The following TSC2 variants were observed in gnomAD, a reference collection of about 807,000 sequenced individuals.
TSC2 encodes the protein TSC complex subunit 2, also known as tuberin.
TSC2 carries 29 observed loss-of-function variants against 202.2 expected under a neutral mutation model. The ratio of observed to expected loss-of-function variants is 0.14; its 90% CI spans 0.11 to 0.20. The LOEUF (loss-of-function observed/expected upper bound fraction) is 0.20. TSC2 is among the 10% of genes least tolerant of loss of function. The probability of loss-of-function intolerance (pLI) is 1.00; values close to 1 mark genes in which losing one functional copy is unlikely to be tolerated. For missense variants in TSC2, 2,429 were observed against 2,420.0 expected (o/e 1.00, Z -0.08); for synonymous variants, 1,349 against 1,044.0 (o/e 1.29, Z -5.63).
intron 37 of TSC2, 90 bp downstream of exon 37, chr16:2,086,469 C>G (rs1027670870): frequency 6.6e-7 from 1 of 1,515,550 alleles, no homozygotes; most frequent in African/African-American, 1.4e-5. Flanking sequence ...TGGGGCATGG[C>G]CCTGGCACCC....
intron 40 of TSC2, 40 bp from the exon 41 acceptor site, chr16:2,088,187 G>A (rs763934520): frequency 1.9e-6 from 3 of 1,612,840 alleles, no homozygotes. Flanking sequence ...AGGCCCAGGT[G>A]CCACCTGATA....
intron 36 of TSC2, 108 bp from the exon 37 acceptor site, chr16:2,086,085 A>G: frequency 7.6e-7 from 1 of 1,314,032 alleles, no homozygotes; most frequent in Non-Finnish European, 1.1e-6. Flanking sequence ...TGTCTGCCTC[A>G]GGGATCAGAG....
In TSC2 at chr16:2,084,973, C is replaced by T. The variant is rs1173459869; in HGVS notation, c.4516C>T (p.His1506Tyr). 15 of 1,613,330 alleles carry T rather than the reference C, an allele frequency of 9.3e-6. No individual in the cohort carries two copies. The highest frequency in any genetic ancestry group is 2.2e-5 in the East Asian group (1 of 44,886). ...NPSFVFLQLYHSPFFGDESNK... is the reference protein window; with the variant it reads ...NPSFVFLQLYYSPFFGDESNK... ...CAGTTTCGTGTTCCTGCAGCTCTAC[C>T]ATTCCCCCTTCTTTGGCGACGAGTC... Residue 1506 changes from histidine (H) to tyrosine (Y), a missense_variant, in exon 35 of 42, where the codon CAT becomes TAT. By Grantham distance (83) the His-to-Tyr change is moderately conservative. Transcript: ENST00000219476.
intron 30 of TSC2, 81 bp from the exon 31 acceptor site, chr16:2,081,514 C>G (rs1596398939): frequency 3.8e-6 from 6 of 1,584,866 alleles, no homozygotes; most frequent in Non-Finnish European, 5.2e-6. Flanking sequence ...AACCAGGGCC[C>G]AGGCCAGGAG....
intron 10 of TSC2, among the ~76,000 whole-genome samples, chr16:2,060,425 G>T (rs529098484): frequency 6.6e-6 from 1 of 152,352 alleles, no homozygotes; most frequent in South Asian, 2.1e-4. Flanking sequence ...TTCAGTTGCT[G>T]GTCTGTCCGA....
chr16:2,070,914 T>C (rs1013350398), intron 17 of TSC2, among the ~76,000 whole-genome samples: 1 of 151,636 alleles, frequency 6.6e-6, no homozygotes, highest in African/African-American at 2.4e-5. Flanking sequence ...GCTGGGCAGG[T>C]GGGCGGCACA....
In TSC2 at chr16:2,088,340, G is replaced by A. The variant is rs373209496; in HGVS notation, c.5259+15G>A. On this transcript the variant is annotated intron_variant, in intron 41 of 41. Transcript: ENST00000219476. Reference sequence around the variant, plus strand: ...TCCGCCAGCGGGTAGGGAATATGGGGCTCCCTCAGCGGGGTGTGCTGGCTG... The same window carrying A: ...TCCGCCAGCGGGTAGGGAATATGGGACTCCCTCAGCGGGGTGTGCTGGCTG... The A allele has an allele frequency of 3.2e-5, 52 of 1,612,324 alleles. No homozygotes were observed. Among genetic ancestry groups the A allele is most frequent in the Non-Finnish European group, 4.3e-5 (51 of 1,179,982 alleles).
In TSC2 at chr16:2,089,449, C is replaced by G. The variant is rs995753401; in HGVS notation, c.*839C>G. On this transcript the variant is annotated 3_prime_UTR_variant, in exon 42 of 42. Coordinates refer to ENST00000219476, the MANE Select transcript of TSC2 (RefSeq NM_000548.5). ...TGGGGCCGGGCACAGCCCGCTGTAC[C>G]TGAGGACTCGGGGAAATAAATTAGC... is the stretch of plus-strand genomic sequence containing the variant. The G allele has an allele frequency of 1.3e-4, 67 of 527,336 alleles. No homozygotes were observed. Among genetic ancestry groups the G allele is most frequent in the Admixed American group, 2.6e-4 (8 of 30,308 alleles). 32.7% of individuals were successfully genotyped at this position (527,336 alleles called of 1,614,324 possible). A position where few individuals can be genotyped will look rare whatever the true frequency, so the allele number is the denominator to read the frequency against.
Position 2,062,526 on chromosome 16 carries a change from T to C in TSC2, c.1287T>C (p.Tyr429=), listed in dbSNP as rs45493394. 3 of 1,612,258 alleles carry C rather than the reference T, an allele frequency of 1.9e-6. No homozygotes were observed. Among genetic ancestry groups the C allele is most frequent in the Non-Finnish European group, 2.5e-6 (3 of 1,179,206 alleles). The change falls in exon 13 of 42, where the codon TAT becomes TAC. Residue 429 remains tyrosine (Y), a synonymous_variant. Transcript: ENST00000219476. The stretch of plus-strand genomic sequence containing the variant: ...CCTCCCTCCTGAACCTGATCTCCTA[T>C]AGAGCGCAGTCCATCCACCCGGCCA... ...PESSLLNLIS[Y]RAQSIHPAKD... is the part of the protein sequence containing the mutation.
chr16:2,079,635 C>A lies in TSC2; in HGVS notation c.3363C>A (p.Ser1121=). The A allele has an allele frequency of 6.2e-7, 1 of 1,607,698 alleles. No homozygotes were observed. The highest frequency in any genetic ancestry group is 8.5e-7 in the Non-Finnish European group (1 of 1,177,946). ...KLESQAGQQV[S]RGARDRVRSM... ...AGTCCCAGGCTGGGCAGCAGGTGTCCCGTGGGGCCCGGGATCGGGTCCGTT... is the reference window on the plus strand; with the variant it reads ...AGTCCCAGGCTGGGCAGCAGGTGTCACGTGGGGCCCGGGATCGGGTCCGTT... The change falls in exon 29 of 42, where the codon TCC becomes TCA. Residue 1121 remains serine, a synonymous_variant. Coordinates refer to ENST00000219476, the MANE Select transcript of TSC2 (RefSeq NM_000548.5). This position sits in a 1 kb window ranked among gnomAD's most constrained non-coding sequence, Gnocchi z 4.6.
Position 2,079,340 on chromosome 16 carries a change from C to T in TSC2, c.3196C>T (p.Leu1066Phe), listed in dbSNP as rs886051793. 2.3e-5 allele frequency: 37 copies of T among 1,613,028 alleles called. No individual in the cohort carries two copies. The highest frequency in any genetic ancestry group is 3.0e-5 in the Non-Finnish European group (35 of 1,180,024). ...RTKTWLVGNK[L>F]VTVTTSVGTG... ...CAAAACCTGGCTGGTTGGGAACAAG[C>T]TTGTCACTGTGACGACAAGCGTGGG... The change falls in exon 28 of 42, where the codon CTT becomes TTT. Residue 1066 changes from leucine (L) to phenylalanine (F), a missense_variant. Coordinates refer to ENST00000219476, the MANE Select transcript of TSC2 (RefSeq NM_000548.5). The surrounding 1 kb of genome is among the most constrained non-coding windows in gnomAD (Gnocchi z 4.6).
At chr16:2,061,584 G>A (rs761679296) in intron 11 of TSC2, 11 of 493,274 alleles carry the variant, frequency 2.2e-5, no homozygotes, top group African/African-American at 1.9e-4. Flanking sequence ...GGTGGGGTAC[G>A]GGCAGGAACA....
intron 9 of TSC2, 49 bp downstream of exon 9, chr16:2,057,227 C>T (rs372416574): frequency 6.9e-5 from 106 of 1,546,462 alleles, no homozygotes; most frequent in Non-Finnish European, 8.8e-5. Context: ...GCACAGCCCT[C>T]GGGGCAGCTC....
At chr16:2,081,878 C>G in intron 31 of TSC2, 80 bp downstream of exon 31, 1 of 1,545,632 alleles carries the variant, frequency 6.5e-7, no homozygotes, top group Non-Finnish European at 8.8e-7. Flanking sequence ...TGGCTCCTCT[C>G]TGCTGAGGGC....
intron 16 of TSC2, among the ~76,000 whole-genome samples, chr16:2,066,860 C>T (rs2087452148): frequency 6.6e-6 from 1 of 151,938 alleles, no homozygotes; most frequent in Non-Finnish European, 1.5e-5. Flanking sequence ...CTGGGTTTCA[C>T]CATGTTGGCC....
intron 12 of TSC2, 136 bp downstream of exon 12, chr16:2,062,144 C>T (rs1368185791): frequency 1.5e-6 from 2 of 1,305,206 alleles, no homozygotes; most frequent in African/African-American, 1.5e-5. Flanking sequence ...CTGCACTCGG[C>T]AGGGAAGGCT....
At chr16:2,083,005 C>A in intron 32 of TSC2, 1 of 425,120 alleles carries the variant, frequency 2.4e-6, no homozygotes, top group South Asian at 1.7e-5. Context: ...CTGTGACCTG[C>A]ATGGTGCTCC....
intron 12 of TSC2, 131 bp downstream of exon 12, chr16:2,062,139 C>T (rs904933198): frequency 1.5e-6 from 2 of 1,351,626 alleles, no homozygotes; most frequent in African/African-American, 1.4e-5. Flanking sequence ...GGTTTCTGCA[C>T]TCGGCAGGGA....
intron 11 of TSC2, 43 bp from the exon 12 acceptor site, chr16:2,061,828 G>A: frequency 6.2e-7 from 1 of 1,613,794 alleles, no homozygotes; most frequent in Non-Finnish European, 8.5e-7. Flanking sequence ...AAGTCCATGT[G>A]GGGAGTGGAA....
Sources: allele counts gnomAD v4.1 joint callset (sites outside exome capture counted in the v4.1 genomes callset), GRCh38; gene constraint gnomAD v4.1.1; non-coding constraint Gnocchi (gnomAD v3.1); transcripts MANE v1.5; gene names NCBI Gene and HGNC (gene_info 2026-07-23, HGNC 2026-07-21).